The following DST variants were observed in gnomAD, a reference collection of about 807,000 sequenced individuals.
DST encodes the protein dystonin.
Under a neutral mutation model 875.2 loss-of-function variants are expected in DST, and 253 were observed. That is an observed-to-expected ratio of 0.29 (90% CI 0.26 to 0.32). The LOEUF (loss-of-function observed/expected upper bound fraction) is 0.32. DST is among the 10% of genes least tolerant of loss of function. The pLI is 1.00. For synonymous variants in DST, 3,124 were observed against 3,197.1 expected (o/e 0.98, Z 0.77); for missense variants, 8,287 against 9,111.6 (o/e 0.91, Z 3.68).
rs368555516 is a variant in DST, at chr6:56,561,321, A to G, written c.14297T>C (p.Val4766Ala). Reference sequence around the variant, plus strand: ...CACAGAATATACCTTATTCTGCTCAACTTGAGTCTTCACAGCTTCAGTATC... The same window carrying G: ...CACAGAATATACCTTATTCTGCTCAGCTTGAGTCTTCACAGCTTCAGTATC... ...PTDTEAVKTQ[V>A]EQNKSFEAEL... Residue 4766 changes from valine (V) to alanine (A), a missense_variant, in exon 57 of 104, where the codon GTT (valine) becomes GCT (alanine). By Grantham distance (64) the Val-to-Ala change is moderately conservative. Transcript: ENST00000680361. 32 of 1,612,862 alleles carry G rather than the reference A, an allele frequency of 2.0e-5. No individual in the cohort carries two copies. The East Asian group carries it at 3.8e-4, about 19-fold the overall frequency.
chr6:56,555,607 G>T lies in DST; in HGVS notation c.14874C>A (p.Ser4958Arg), dbSNP rs746641066. 6 of 1,613,990 alleles carry T rather than the reference G, an allele frequency of 3.7e-6. No individual in the cohort carries two copies. The highest frequency in any genetic ancestry group is 1.1e-5 in the South Asian group (1 of 91,080). ...KSTQYQSLLR[S>R]LSDKLSDLDN... ...CCAAGTCACTCAGTTTATCAGAAAG[G>T]CTTCTCAGCAGGCTTTGATACTGTG... Residue 4958 changes from serine to arginine, a missense_variant, in exon 60 of 104, where the codon AGC becomes AGA. Coordinates refer to ENST00000680361, the MANE Select transcript of DST (RefSeq NM_001374736.1).
chr6:56,791,180 C>T (rs1008252559), intron 4 of DST, among the ~76,000 whole-genome samples: 1 of 152,112 alleles, frequency 6.6e-6, no homozygotes, highest in Non-Finnish European at 1.5e-5. Flanking sequence ...TACTTTGAAT[C>T]CAAATAAGAC....
chr6:56,792,470 G>A (rs976952875), intron 4 of DST, among the ~76,000 whole-genome samples: 1 of 151,818 alleles, frequency 6.6e-6, no homozygotes, highest in African/African-American at 2.4e-5. Context: ...CTAAATGATC[G>A]ATTTTTTTTT....
At chr6:56,786,369 G>C (rs1344230208) in intron 4 of DST, among the ~76,000 whole-genome samples, 7 of 152,180 alleles carry the variant, frequency 4.6e-5, no homozygotes, top group Admixed American at 1.3e-4. Flanking sequence ...CACTAATCTT[G>C]TCTGGCCATT....
chr6:56,555,797 T>A lies in DST; in HGVS notation c.14684A>T (p.Gln4895Leu). The change falls in exon 60 of 104, where the codon CAG becomes CTG. Residue 4895 changes from glutamine to leucine, a missense_variant. By Grantham distance (113) the Gln-to-Leu change is moderately radical. Coordinates refer to ENST00000680361, the MANE Select transcript of DST (RefSeq NM_001374736.1). ...EFATRKPQYE[Q>L]LTAAGQGILS... is the part of the protein sequence containing the mutation. ...AATGCCCTGACCAGCTGCTGTCAGC[T>A]GTTCATATTGAGGTTTCCGAGTGGC... is the stretch of plus-strand genomic sequence containing the variant. The A allele has an allele frequency of 6.5e-7, 1 of 1,547,032 alleles. No homozygotes were observed. The highest frequency in any genetic ancestry group is 8.7e-7 in the Non-Finnish European group (1 of 1,144,036).
chr6:56,952,192 C>T (rs1405277303), intron 2 of DST, among the ~76,000 whole-genome samples: 2 of 152,144 alleles, frequency 1.3e-5, no homozygotes, highest in African/African-American at 4.8e-5. Context: ...CCCCAGCTTT[C>T]CTAACCAAAT....
Position 56,555,719 on chromosome 6 carries a change from A to T in DST, c.14762T>A (p.Leu4921Gln). Residue 4921 changes from leucine to glutamine, a missense_variant, in exon 60 of 104, where the codon CTG becomes CAG. Leu to Gln is a moderately radical substitution (Grantham distance 113). Coordinates refer to ENST00000680361, the MANE Select transcript of DST (RefSeq NM_001374736.1). ...ATCCCATTTTTGGGTCACAGCTGCC[A>T]GTTGCTCTTTCACAATCCCACGTAA... ...PSLRGIVKEQ[L>Q]AAVTQKWDSL... 6.2e-7 allele frequency: 1 copy of T among 1,610,036 alleles called. No individual in the cohort carries two copies. The highest frequency in any genetic ancestry group is 8.5e-7 in the Non-Finnish European group (1 of 1,176,386).
intron 2 of DST, among the ~76,000 whole-genome samples, chr6:56,939,776 G>A (rs1214702063): frequency 2.0e-5 from 3 of 152,060 alleles, no homozygotes; most frequent in Admixed American, 1.3e-4. Flanking sequence ...TGTAATCCCA[G>A]CACTTTGGGA....
chr6:56,700,729 T>C (rs1003045134), intron 8 of DST, among the ~76,000 whole-genome samples: 3 of 152,172 alleles, frequency 2.0e-5, no homozygotes, highest in Non-Finnish European at 4.4e-5. Context: ...GAGAATTATA[T>C]ACTATGATAT....
chr6:56,603,160 A>G, intron 42 of DST, 45 bp downstream of exon 42: 3 of 1,556,392 alleles, frequency 1.9e-6, no homozygotes, highest in Non-Finnish European at 2.6e-6. Context: ...TCCTCAAATA[A>G]TAAAATTTTC....
Position 56,593,704 on chromosome 6 carries a change from A to G in DST, c.12685T>C (p.Leu4229=). The part of the protein sequence containing the change: ...SATHREVQRK[L]DHATDRFRSL... Reference sequence around the variant, plus strand: ...CTGAACCGATCAGTAGCATGATCCAACTTGCGCTGCACTTCTCTGTGGGTT... The same window carrying G: ...CTGAACCGATCAGTAGCATGATCCAGCTTGCGCTGCACTTCTCTGTGGGTT... The change falls in exon 48 of 104, where the codon TTG becomes CTG. Residue 4229 remains leucine, a synonymous_variant. Coordinates refer to ENST00000680361, the MANE Select transcript of DST (RefSeq NM_001374736.1). 1 of 1,611,844 alleles carries G rather than the reference A, an allele frequency of 6.2e-7. No homozygotes were observed. Among genetic ancestry groups the G allele is most frequent in the Non-Finnish European group, 8.5e-7 (1 of 1,178,498 alleles).
rs140295829 is a variant in DST, at chr6:56,700,917, GAAT to G, written c.954+968_954+970del. Reference sequence around the variant, plus strand: ...GCATTTTAATGTTCATAATATTTAAGAATAATAATGAAGAAATAATAAAAGCTA... The same window carrying G: ...GCATTTTAATGTTCATAATATTTAAGAATAATGAAGAAATAATAAAAGCTA... On this transcript the variant is annotated intron_variant, in intron 8 of 103. Coordinates refer to ENST00000680361, the MANE Select transcript of DST (RefSeq NM_001374736.1). Among the ~76,000 whole-genome samples the G allele has an allele frequency of 7.6e-3, 1,142 of 149,732 alleles. 14 individuals are homozygous for G. The highest frequency in any genetic ancestry group is 0.027 in the African/African-American group (1,081 of 40,646).
chr6:56,724,000 A>G (rs995132874), intron 5 of DST, among the ~76,000 whole-genome samples: 1 of 152,218 alleles, frequency 6.6e-6, no homozygotes, highest in Non-Finnish European at 1.5e-5. Flanking sequence ...TTTTTATTTA[A>G]TCTTCTCAAC....
chr6:56,553,616 G>C lies in DST; in HGVS notation c.15176C>G (p.Ser5059Cys). Residue 5059 changes from serine (S) to cysteine (C), a missense_variant, in exon 61 of 104, where the codon TCT (serine) becomes TGT (cysteine). Ser to Cys is a moderately radical substitution (Grantham distance 112). Coordinates refer to ENST00000680361, the MANE Select transcript of DST (RefSeq NM_001374736.1). ...VQHLQSACASSHQFQQMSRDF... is the reference protein window; with the variant it reads ...VQHLQSACASCHQFQQMSRDF... ...TCTAGACATTTGCTGAAATTGATGAGAGCTTGCACAGGCCGACTGAAGGTG... is the reference window on the plus strand; with the variant it reads ...TCTAGACATTTGCTGAAATTGATGACAGCTTGCACAGGCCGACTGAAGGTG... The C allele has an allele frequency of 6.2e-7, 1 of 1,613,582 alleles. No homozygotes were observed. Among genetic ancestry groups the C allele is most frequent in the Non-Finnish European group, 8.5e-7 (1 of 1,179,852 alleles).
intron 77 of DST, among the ~76,000 whole-genome samples, chr6:56,505,772 T>C (rs2096289578): frequency 1.3e-5 from 2 of 151,836 alleles, no homozygotes; most frequent in African/African-American, 4.8e-5. Flanking sequence ...CGGAGCAAGG[T>C]TAAGGGAGGT....
intron 2 of DST, among the ~76,000 whole-genome samples, chr6:56,913,166 C>T (rs1206204504): frequency 6.6e-6 from 1 of 152,202 alleles, no homozygotes; most frequent in African/African-American, 2.4e-5. Flanking sequence ...TAACTACATT[C>T]AACTCTCTTT....
At chr6:56,561,064 T>C (rs1327823826) in intron 57 of DST, among the ~76,000 whole-genome samples, 2 of 152,164 alleles carry the variant, frequency 1.3e-5, no homozygotes, top group Admixed American at 1.3e-4. Flanking sequence ...GATTTAAAGG[T>C]GGCAAAGTGG....
chr6:56,788,589 A>G (rs1225782708), intron 4 of DST, among the ~76,000 whole-genome samples: 1 of 152,236 alleles, frequency 6.6e-6, no homozygotes, highest in Non-Finnish European at 1.5e-5. Flanking sequence ...CACAAGAGAA[A>G]TATTTTGTTA....
chr6:56,952,318 C>T (rs999584027), intron 2 of DST, among the ~76,000 whole-genome samples: 1 of 152,120 alleles, frequency 6.6e-6, no homozygotes, highest in Non-Finnish European at 1.5e-5. Flanking sequence ...TAATCCAAAA[C>T]AGGATTATTA....
Sources: gnomAD v4.1 joint callset for allele counts (sites outside exome capture counted in the v4.1 genomes callset) on GRCh38, gnomAD v4.1.1 for gene constraint, MANE v1.5 for transcripts, NCBI Gene and HGNC (gene_info 2026-07-23, HGNC 2026-07-21) for gene names.